Variants in FILIP1 observed in about 807,000 individuals in gnomAD.
The protein encoded by FILIP1 is filamin-A-interacting protein 1.
A neutral mutation model predicts 102.1 loss-of-function variants in FILIP1; 61 were observed. That is an observed-to-expected ratio of 0.60 (90% CI 0.49 to 0.74). FILIP1 has a LOEUF of 0.74. FILIP1 is among the 30% of genes least tolerant of loss of function. FILIP1 has a pLI of 0.00. For missense variants in FILIP1, 1,314 were observed against 1,441.2 expected (o/e 0.91, Z 1.43); for synonymous variants, 491 against 526.9 (o/e 0.93, Z 0.93).
chr6:75,482,509 T>C (rs1369888741), intron 1 of FILIP1, among the ~76,000 whole-genome samples: 1 of 152,196 alleles, frequency 6.6e-6, no homozygotes, highest in Non-Finnish European at 1.5e-5. Flanking sequence ...ATTAGACTTT[T>C]GTCAATAGTT....
intron 2 of FILIP1, among the ~76,000 whole-genome samples, chr6:75,406,763 G>C (rs970515672): frequency 3.3e-5 from 5 of 150,786 alleles, no homozygotes; most frequent in African/African-American, 1.2e-4. Context: ...AGGTTGAAGT[G>C]ATTGTCCTGC....
intron 1 of FILIP1, among the ~76,000 whole-genome samples, chr6:75,477,447 T>C (rs1005344619): frequency 1.3e-5 from 2 of 152,138 alleles, no homozygotes; most frequent in East Asian, 1.9e-4. Context: ...TAAAAAATGA[T>C]AGGTGATGAA....
chr6:75,325,077 T>C (rs1354438890), intron 4 of FILIP1, among the ~76,000 whole-genome samples: 1 of 152,090 alleles, frequency 6.6e-6, no homozygotes, highest in East Asian at 1.9e-4. Flanking sequence ...AAAACAAAAA[T>C]AAATAGATGG....
chr6:75,484,642 T>C (rs910089376), intron 1 of FILIP1, among the ~76,000 whole-genome samples: 9 of 152,156 alleles, frequency 5.9e-5, no homozygotes, highest in African/African-American at 1.4e-4. Context: ...CCAGGTGACT[T>C]TGATGCACAG....
chr6:75,457,612 G>T (rs1582538237), intron 1 of FILIP1, among the ~76,000 whole-genome samples: 1 of 142,644 alleles, frequency 7.0e-6, no homozygotes, highest in Non-Finnish European at 1.5e-5. Context: ...TTCAAACAAA[G>T]TCTCTCTCTC....
chr6:75,381,023 C>T (rs1775891665), intron 2 of FILIP1, among the ~76,000 whole-genome samples: 1 of 152,056 alleles, frequency 6.6e-6, no homozygotes, highest in Non-Finnish European at 1.5e-5. Flanking sequence ...GTATTGCTCT[C>T]TTTTGAAACT....
intron 2 of FILIP1, among the ~76,000 whole-genome samples, chr6:75,394,564 A>G (rs1179950866): frequency 6.6e-6 from 1 of 152,212 alleles, no homozygotes; most frequent in East Asian, 1.9e-4. Context: ...TCTTTGTTAT[A>G]CAAAAAGCTC....
chr6:75,359,619 C>A (rs1775114030), intron 3 of FILIP1, among the ~76,000 whole-genome samples: 1 of 152,170 alleles, frequency 6.6e-6, no homozygotes, highest in Non-Finnish European at 1.5e-5. Flanking sequence ...TGTCTGGGAG[C>A]ACTTGAAGAA....
intron 2 of FILIP1, among the ~76,000 whole-genome samples, chr6:75,363,433 A>G (rs1255231435): frequency 6.6e-6 from 1 of 152,250 alleles, no homozygotes; most frequent in Non-Finnish European, 1.5e-5. Flanking sequence ...CATTTTGCAC[A>G]GAAACACATG....
At chr6:75,316,770 T>C (rs1773463046) in intron 4 of FILIP1, among the ~76,000 whole-genome samples, 2 of 152,200 alleles carry the variant, frequency 1.3e-5, no homozygotes, top group Admixed American at 1.3e-4. Flanking sequence ...TCCTACTGAT[T>C]TGCCTAATAC....
At chr6:75,388,265 G>A (rs932710808) in intron 2 of FILIP1, among the ~76,000 whole-genome samples, 1 of 152,184 alleles carries the variant, frequency 6.6e-6, no homozygotes, top group African/African-American at 2.4e-5. Context: ...CCAGTACCAT[G>A]CTGTTTTGGT....
In FILIP1 at chr6:75,308,124, C is replaced by T. The variant is rs2149539744; in HGVS notation, c.*567G>A. On this transcript the variant is annotated 3_prime_UTR_variant, in exon 6 of 6. Coordinates refer to ENST00000237172, the MANE Select transcript of FILIP1 (RefSeq NM_015687.5). ...TCATTTCCATTTTATTACATGTTCA[C>T]ATTATTTCCTGAAATCATCTTAGAA... The T allele has an allele frequency of 1.8e-5, 18 of 985,946 alleles. No individual in the cohort carries two copies. The highest frequency in any genetic ancestry group is 2.2e-5 in the Non-Finnish European group (18 of 830,018). 61.1% of individuals were successfully genotyped at this position (985,946 alleles called of 1,614,324 possible). A position where few individuals can be genotyped will look rare whatever the true frequency, so the allele number is the denominator to read the frequency against.
chr6:75,460,530 T>C (rs1413068327), intron 1 of FILIP1, among the ~76,000 whole-genome samples: 1 of 152,166 alleles, frequency 6.6e-6, no homozygotes, highest in Non-Finnish European at 1.5e-5. Context: ...GAATCTGGGA[T>C]CAATAAATTA....
At chr6:75,328,645 C>T (rs556183320) in intron 4 of FILIP1, among the ~76,000 whole-genome samples, 92 of 152,212 alleles carry the variant, frequency 6.0e-4, no homozygotes, top group Middle Eastern at 3.4e-3. Context: ...TGCACCACCA[C>T]GCCTGGCTAA....
At chr6:75,416,941 C>T (rs1777290628) in intron 1 of FILIP1, among the ~76,000 whole-genome samples, 1 of 152,072 alleles carries the variant, frequency 6.6e-6, no homozygotes, top group Admixed American at 6.6e-5. Context: ...TATCTGCAAA[C>T]ATACAGAAAA....
intron 1 of FILIP1, among the ~76,000 whole-genome samples, chr6:75,445,214 C>A (rs1481158155): frequency 2.0e-5 from 3 of 152,140 alleles, no homozygotes; most frequent in African/African-American, 7.2e-5. Flanking sequence ...TGTGTCAATT[C>A]TCTGCTCAAG....
intron 2 of FILIP1, among the ~76,000 whole-genome samples, chr6:75,414,273 C>T (rs1044945360): frequency 2.0e-5 from 3 of 151,820 alleles, no homozygotes; most frequent in Non-Finnish European, 4.4e-5. Context: ...CTCTATCTCT[C>T]CTTCTCTCTT....
chr6:75,478,096 A>G (rs915338262), intron 1 of FILIP1, among the ~76,000 whole-genome samples: 7 of 152,202 alleles, frequency 4.6e-5, no homozygotes, highest in African/African-American at 1.7e-4. Flanking sequence ...CTTGCGCCCA[A>G]TGTATGAAAA....
chr6:75,392,688 A>T (rs1776316075), intron 2 of FILIP1, among the ~76,000 whole-genome samples: 2 of 151,880 alleles, frequency 1.3e-5, no homozygotes, highest in African/African-American at 4.8e-5. Context: ...CTGTGCCCCC[A>T]CCCAAATCTC....
Sources: gnomAD v4.1 joint callset for allele counts (sites outside exome capture counted in the v4.1 genomes callset) on GRCh38, gnomAD v4.1.1 for gene constraint, MANE v1.5 for transcripts, NCBI Gene and HGNC (gene_info 2026-07-23, HGNC 2026-07-21) for gene names.